The following RGS22 variants were observed in gnomAD, a reference collection of about 807,000 sequenced individuals.
RGS22 encodes the protein regulator of G-protein signaling 22.
In RGS22, 148 loss-of-function variants were observed where a neutral mutation model predicts 172.9. The observed-to-expected ratio is 0.86, with a 90% CI of 0.75 to 0.98. The LOEUF is 0.98. RGS22 is among the 50% of genes least tolerant of loss of function. The pLI, the probability that RGS22 is intolerant of heterozygous loss-of-function variation, is 0.00. For missense variants in RGS22, 1,347 were observed against 1,440.8 expected (o/e 0.93, Z 1.05); for synonymous variants, 458 against 480.2 (o/e 0.95, Z 0.60).
intron 2 of RGS22, among the ~76,000 whole-genome samples, chr8:100,096,192 T>C (rs1256899484): frequency 6.6e-6 from 1 of 152,204 alleles, no homozygotes; most frequent in African/African-American, 2.4e-5. Context: ...CACAGTCCCA[T>C]TACTTGGCTA....
At chr8:99,991,022 C>A (rs756125205) in intron 20 of RGS22, among the ~76,000 whole-genome samples, 1 of 152,158 alleles carries the variant, frequency 6.6e-6, no homozygotes, top group African/African-American at 2.4e-5. Flanking sequence ...AGCTGAGGAA[C>A]CTGACTGTTA....
At position 100,003,927 on chromosome 8, in the gene RGS22, T is replaced by C. The variant is rs759249164; in HGVS notation, c.2626A>G (p.Ser876Gly). ...FRQFLETHSS[S>G]MDLMCWTDIE... Reference sequence around the variant, plus strand: ...GAAATATATGGTTATGTCCCTCACCTTGAAGAATGAGTCTCAAGAAACTGA... The same window carrying C: ...GAAATATATGGTTATGTCCCTCACCCTGAAGAATGAGTCTCAAGAAACTGA... Residue 876 changes from serine (S) to glycine (G), a missense_variant and splice_region_variant, in exon 17 of 28, where the codon AGC (serine) becomes GGC (glycine). Transcript: ENST00000360863. 83 of 1,602,574 alleles carry C rather than the reference T, an allele frequency of 5.2e-5. No homozygotes were observed. Among genetic ancestry groups the C allele is most frequent in the Non-Finnish European group, 6.7e-5 (79 of 1,173,848 alleles).
At position 99,999,305 on chromosome 8, in the gene RGS22, A is replaced by G. The variant is rs1443943261; in HGVS notation, c.2906T>C (p.Leu969Ser). Residue 969 changes from leucine to serine, a missense_variant, in exon 19 of 28, where the codon TTG (leucine) becomes TCG (serine). Transcript: ENST00000360863. ...QNRLENVWLP[L>S]FLASEQFAAR... ...TGCAAACTGTTCACTTGCAAGAAAC[A>G]ATGGCAGCCATACATTTTCTAGCCT... 2 of 1,613,952 alleles carry G rather than the reference A, an allele frequency of 1.2e-6. No homozygotes were observed. Among genetic ancestry groups the G allele is most frequent in the East Asian group, 2.2e-5 (1 of 44,872 alleles).
At chr8:100,065,732 CAAT>C (rs1810489408) in intron 7 of RGS22, among the ~76,000 whole-genome samples, 1 of 152,020 alleles carries the variant, frequency 6.6e-6, no homozygotes, top group South Asian at 2.1e-4. Context: ...CAATTTCCAT[CAAT>C]AATTTTTTTT....
chr8:100,090,629 G>C (rs142429553), intron 3 of RGS22, among the ~76,000 whole-genome samples: 2 of 152,212 alleles, frequency 1.3e-5, no homozygotes, highest in East Asian at 3.9e-4. Context: ...AGCATGTGTT[G>C]AGGTTGTTAT....
In RGS22 at chr8:100,063,424, T is replaced by C. The variant is rs1316659969; in HGVS notation, c.1344A>G (p.Arg448=). ...TAAAAAAATAGAATTACCTTTGATGTCTTCCAGGATCCTTAAGAACTTTTA... is the reference window on the plus strand; with the variant it reads ...TAAAAAAATAGAATTACCTTTGATGCCTTCCAGGATCCTTAAGAACTTTTA... ...ERLKVLKDPG[R]HQRHLEKMKK... Residue 448 remains arginine (R), a synonymous_variant, in exon 8 of 28, where the codon AGA becomes AGG. Coordinates refer to ENST00000360863, the MANE Select transcript of RGS22 (RefSeq NM_015668.5). The C allele has an allele frequency of 6.5e-7, 1 of 1,546,466 alleles. No homozygotes were observed. The highest frequency in any genetic ancestry group is 8.7e-7 in the Non-Finnish European group (1 of 1,149,488).
At chr8:99,979,371 T>C (rs995668148) in intron 22 of RGS22, among the ~76,000 whole-genome samples, 3 of 152,196 alleles carry the variant, frequency 2.0e-5, no homozygotes, top group Non-Finnish European at 4.4e-5. Flanking sequence ...AACTACTCTA[T>C]TGTTAGAAGT....
At chr8:100,014,462 C>G (rs1293005361) in intron 14 of RGS22, among the ~76,000 whole-genome samples, 1 of 152,180 alleles carries the variant, frequency 6.6e-6, no homozygotes, top group Non-Finnish European at 1.5e-5. Context: ...ATGCCAATGA[C>G]AATGAACTCA....
At position 99,962,386 on chromosome 8, in the gene RGS22, T is replaced by C; in HGVS notation, c.*45+8A>G. On this transcript the variant is annotated splice_region_variant and intron_variant, in intron 27 of 27. Coordinates refer to ENST00000360863, the MANE Select transcript of RGS22 (RefSeq NM_015668.5). ...GTGGGACCAACCAACATTCAGACTA[T>C]GACGTACCTTGAACCTATCAGCAGC... 1.3e-6 allele frequency: 2 copies of C among 1,597,544 alleles called. No individual in the cohort carries two copies. Among genetic ancestry groups the C allele is most frequent in the Non-Finnish European group, 8.6e-7 (1 of 1,165,210 alleles).
intron 10 of RGS22, among the ~76,000 whole-genome samples, chr8:100,050,050 C>CAAA (rs35540779): frequency 7.6e-6 from 1 of 131,806 alleles, no homozygotes; most frequent in African/African-American, 2.8e-5. Flanking sequence ...ACTCCATCTC[C>CAAA]AAAAAAAAAA....
intron 23 of RGS22, among the ~76,000 whole-genome samples, chr8:99,971,024 C>T (rs561745883): frequency 4.2e-4 from 64 of 152,280 alleles, no homozygotes; most frequent in African/African-American, 1.4e-3. Flanking sequence ...AAAAGCTTAT[C>T]CACCACAATC....
intron 21 of RGS22, among the ~76,000 whole-genome samples, chr8:99,983,028 G>A (rs1014603830): frequency 2.6e-5 from 4 of 152,096 alleles, no homozygotes; most frequent in African/African-American, 9.7e-5. Context: ...CCAATGTTGA[G>A]CTCCCACTTA....
intron 3 of RGS22, chr8:100,093,203 C>A: frequency 8.5e-6 from 3 of 353,512 alleles, no homozygotes; most frequent in Non-Finnish European, 1.6e-5. Flanking sequence ...ACAGCTGAAC[C>A]AGAGTTTGTA....
intron 24 of RGS22, among the ~76,000 whole-genome samples, chr8:99,963,579 G>A (rs757513947): frequency 2.0e-5 from 3 of 152,044 alleles, no homozygotes; most frequent in Non-Finnish European, 2.9e-5. Context: ...TTCTGCATCT[G>A]CAGATTCAAC....
chr8:100,030,109 A>G (rs764418317), intron 14 of RGS22, among the ~76,000 whole-genome samples: 1 of 152,202 alleles, frequency 6.6e-6, no homozygotes, highest in Non-Finnish European at 1.5e-5. Flanking sequence ...AATTGTTTCA[A>G]TCAATGGTGG....
In RGS22 at chr8:100,008,583, G is replaced by C. The variant is rs1039904080; in HGVS notation, c.2167-14C>G. 1 of 1,591,222 alleles carries C rather than the reference G, an allele frequency of 6.3e-7. No individual in the cohort carries two copies. Among genetic ancestry groups the C allele is most frequent in the African/African-American group, 1.4e-5 (1 of 73,460 alleles). On this transcript the variant is annotated splice_polypyrimidine_tract_variant and intron_variant, in intron 14 of 27. Transcript: ENST00000360863. ...GGCAAAAAGATACTGAAGGAGAAGA[G>C]GGAAGAAGGGAGAAGATGTTAAGAG...
chr8:100,075,122 A>G (rs2169246), intron 4 of RGS22, among the ~76,000 whole-genome samples: 77,748 of 151,974 alleles, frequency 0.51, 20,997 homozygotes, highest in Admixed American at 0.6. Context: ...GGTAATACTC[A>G]GGAGTAGGAT....
At chr8:100,051,966 TA>T in intron 10 of RGS22, among the ~76,000 whole-genome samples, 1 of 62,696 alleles carries the variant, frequency 1.6e-5, no homozygotes, top group African/African-American at 7.7e-5. Context: ...TGTTTATATA[TA>T]TTTATATATA....
chr8:99,995,319 G>A (rs1438878161), intron 20 of RGS22, among the ~76,000 whole-genome samples: 1 of 152,166 alleles, frequency 6.6e-6, no homozygotes. Context: ...TACCATCAGA[G>A]TGAACAGGCA....
Sources: gnomAD v4.1 joint callset for allele counts (sites outside exome capture counted in the v4.1 genomes callset) on GRCh38, gnomAD v4.1.1 for gene constraint, MANE v1.5 for transcripts, NCBI Gene and HGNC (gene_info 2026-07-23, HGNC 2026-07-21) for gene names.